The following POLR2B variants were observed in gnomAD, a reference collection of about 807,000 sequenced individuals.
The protein encoded by POLR2B is RNA polymerase II subunit B.
A neutral mutation model predicts 144.6 loss-of-function variants in POLR2B; 57 were observed. The observed-to-expected ratio is 0.39, with a 90% CI of 0.32 to 0.49. POLR2B has a LOEUF of 0.49. POLR2B is among the 20% of genes least tolerant of loss of function. The pLI is 0.83. For synonymous variants in POLR2B, 442 were observed against 469.8 expected (o/e 0.94, Z 0.77); for missense variants, 595 against 1,467.4 (o/e 0.41, Z 9.71).
At chr4:57,020,471 T>C (rs1424742668) in intron 16 of POLR2B, among the ~76,000 whole-genome samples, 1 of 152,194 alleles carries the variant, frequency 6.6e-6, no homozygotes, top group Non-Finnish European at 1.5e-5. Context: ...GTTTCAAACC[T>C]AAAAGCTGGG....
At chr4:57,016,298 G>T (rs1014208964) in intron 14 of POLR2B, among the ~76,000 whole-genome samples, 1 of 151,892 alleles carries the variant, frequency 6.6e-6, no homozygotes, top group Non-Finnish European at 1.5e-5. Context: ...TGTAATCTCA[G>T]CACTTTGGGA....
At position 57,028,561 on chromosome 4, in the gene POLR2B, C is replaced by T. The variant is rs368104365; in HGVS notation, c.3240-1643C>T. ...TTTTTAAGTAAAACTGGCTTTTCTC[C>T]CCTTCACTTGAATGGAGAATATGAC... On this transcript the variant is annotated intron_variant, in intron 23 of 24. Coordinates refer to ENST00000314595, the MANE Select transcript of POLR2B (RefSeq NM_000938.3). 2.0e-5 allele frequency among the ~76,000 whole-genome samples: 3 copies of T among 152,240 alleles called. No homozygotes were observed. In the East Asian group the frequency reaches 5.8e-4, roughly 29 times the overall value.
intron 2 of POLR2B, 123 bp from the exon 3 acceptor site, chr4:56,990,625 A>G (rs1722484627): frequency 1.5e-5 from 12 of 793,008 alleles, no homozygotes; most frequent in Middle Eastern, 3.5e-4. Flanking sequence ...AGTGGTTGAC[A>G]TATAATGGTT....
chr4:57,015,592 CAA>C lies in POLR2B; in HGVS notation c.1894_1895del (p.Lys632AlafsTer9). The C allele has an allele frequency of 6.6e-7, 1 of 1,517,980 alleles. No individual in the cohort carries two copies. Among genetic ancestry groups the C allele is most frequent in the Non-Finnish European group, 8.9e-7 (1 of 1,121,584 alleles). The allele number at this position is 1,517,980 out of a possible 1,614,324, so 94.0% of individuals were successfully genotyped here. On this transcript the variant is annotated frameshift_variant, in exon 14 of 25. Transcript: ENST00000314595. LOFTEE classifies it high-confidence loss of function. ...ICRPLLIVEKQKLLLKKRHID... is the reference protein window; with the variant it reads ...ICRPLLIVEKXKLLLKKRHID... ...TAGACCACTTCTGATTGTGGAAAAA[CAA>C]AAGCTACTTTTGAAGAAGAGGCATA...
intron 3 of POLR2B, among the ~76,000 whole-genome samples, chr4:56,993,192 A>G (rs891282463): frequency 1.3e-5 from 2 of 151,970 alleles, no homozygotes; most frequent in African/African-American, 4.8e-5. Context: ...AGTCCCAGCT[A>G]CTTGGGAGGC....
chr4:57,030,444 C>A, intron 24 of POLR2B, 45 bp downstream of exon 24: 2 of 1,401,420 alleles, frequency 1.4e-6, no homozygotes, highest in South Asian at 1.3e-5. Context: ...TTAGAGGAAA[C>A]TGTGTTGGTC....
At chr4:56,996,563 C>T (rs1169140214) in intron 6 of POLR2B, among the ~76,000 whole-genome samples, 1 of 151,696 alleles carries the variant, frequency 6.6e-6, no homozygotes, top group Non-Finnish European at 1.5e-5. Context: ...GGATTACAGG[C>T]GTGAGCCACT....
intron 16 of POLR2B, among the ~76,000 whole-genome samples, chr4:57,019,182 T>C (rs939651133): frequency 1.3e-5 from 2 of 152,206 alleles, no homozygotes; most frequent in African/African-American, 4.8e-5. Flanking sequence ...TGGGCTGTGC[T>C]TGCAGTGCTG....
At chr4:57,008,259 C>A (rs2109687196) in intron 10 of POLR2B, among the ~76,000 whole-genome samples, 1 of 145,510 alleles carries the variant, frequency 6.9e-6, no homozygotes, top group East Asian at 2.0e-4. Flanking sequence ...GGCTGGAGTA[C>A]AGTGGCAATC....
rs1031685509 is a variant in POLR2B, at chr4:56,994,945, A to G, written c.576+79A>G. 1.8e-4 allele frequency: 157 copies of G among 861,700 alleles called. No homozygotes were observed. In the African/African-American group the frequency reaches 2.0e-3, roughly 11 times the overall value. The allele number at this position is 861,700 out of a possible 1,614,324, so 53.4% of individuals were successfully genotyped here. A position where few individuals can be genotyped will look rare whatever the true frequency, so the allele number is the denominator to read the frequency against. On this transcript the variant is annotated intron_variant, in intron 5 of 24. Coordinates refer to ENST00000314595, the MANE Select transcript of POLR2B (RefSeq NM_000938.3). ...AAGTTGAAATGAAAAAAAAAAAAAA[A>G]AGAAAGAAAGATTTTCCTGCAGGAT...
At chr4:57,015,186 G>T (rs1392869388) in intron 13 of POLR2B, among the ~76,000 whole-genome samples, 1 of 152,134 alleles carries the variant, frequency 6.6e-6, no homozygotes, top group Non-Finnish European at 1.5e-5. Context: ...CATCAGCAAA[G>T]AACCAAAATA....
chr4:57,004,336 T>A (rs1307248667), intron 7 of POLR2B, among the ~76,000 whole-genome samples: 2 of 141,564 alleles, frequency 1.4e-5, no homozygotes, highest in African/African-American at 5.3e-5. Flanking sequence ...GGCATGAGCC[T>A]CCATTCCCAG....
In POLR2B at chr4:57,024,918, C is replaced by A; in HGVS notation, c.2997C>A (p.Ala999=). 6.3e-7 allele frequency: 1 copy of A among 1,594,086 alleles called. No individual in the cohort carries two copies. The highest frequency in any genetic ancestry group is 1.1e-5 in the South Asian group (1 of 88,888). The change falls in exon 22 of 25, where the codon GCC becomes GCA. Residue 999 remains alanine (A), a synonymous_variant. Transcript: ENST00000314595. ...CTAACAAGGGTGAAATTGGTGATGC[C>A]ACTCCATTTAATGATGCTGTTAACG... ...VSANKGEIGD[A]TPFNDAVNVQ... is the part of the protein sequence containing the mutation.
In POLR2B at chr4:57,015,665, A is replaced by G. The variant is rs753796064; in HGVS notation, c.1955+9A>G. ...GAATATAACAACTATAGGTAAAAACATGCAGTGAGAAAAATGTGTGTATTA... is the reference window on the plus strand; with the variant it reads ...GAATATAACAACTATAGGTAAAAACGTGCAGTGAGAAAAATGTGTGTATTA... On this transcript the variant is annotated intron_variant, in intron 14 of 24. Transcript: ENST00000314595. 4 of 1,322,526 alleles carry G rather than the reference A, an allele frequency of 3.0e-6. No homozygotes were observed. Among genetic ancestry groups the G allele is most frequent in the Admixed American group, 2.3e-5 (1 of 42,570 alleles). The allele number at this position is 1,322,526 out of a possible 1,614,324, so 81.9% of individuals were successfully genotyped here.
rs1424824890 is a variant in POLR2B at position 57,024,255 on chromosome 4, A to T, written c.2964+143A>T. On this transcript the variant is annotated intron_variant, in intron 21 of 24. Transcript: ENST00000314595. Reference sequence around the variant, plus strand: ...CTTTTCTGCTTTCAAATTGCTTATGATTCTGCCATTTTTTTTGGCAATTTG... The same window carrying T: ...CTTTTCTGCTTTCAAATTGCTTATGTTTCTGCCATTTTTTTTGGCAATTTG... 5.8e-6 allele frequency: 3 copies of T among 515,854 alleles called. No homozygotes were observed. In the East Asian group the frequency reaches 1.0e-4, roughly 18 times the overall value. The allele number at this position is 515,854 out of a possible 1,614,324, so 32.0% of individuals were successfully genotyped here. A position where few individuals can be genotyped will look rare whatever the true frequency, so the allele number is the denominator to read the frequency against.
At chr4:57,011,176 G>T in intron 13 of POLR2B, 76 bp downstream of exon 13, 1 of 880,216 alleles carries the variant, frequency 1.1e-6, no homozygotes, top group South Asian at 1.4e-5. Flanking sequence ...AGTTATCTTT[G>T]CATTGGCATC....
chr4:57,012,272 G>A (rs1274591475), intron 13 of POLR2B, among the ~76,000 whole-genome samples: 7 of 152,112 alleles, frequency 4.6e-5, no homozygotes, highest in Non-Finnish European at 8.8e-5. Context: ...GGGCATGGTA[G>A]CATGTGCCTG....
chr4:56,999,549 C>A, intron 6 of POLR2B, 68 bp from the exon 7 acceptor site: 1 of 991,768 alleles, frequency 1.0e-6, no homozygotes, highest in South Asian at 1.6e-5. Context: ...TTAAATAGTT[C>A]TCTTGGTGTT....
chr4:57,010,617 G>T (rs978496492), intron 11 of POLR2B, 113 bp downstream of exon 11: 2 of 1,355,342 alleles, frequency 1.5e-6, no homozygotes, highest in South Asian at 1.4e-5. Flanking sequence ...TTAGAAATAA[G>T]TTTTTTTTAT....
Sources: allele counts gnomAD v4.1 joint callset (sites outside exome capture counted in the v4.1 genomes callset), GRCh38; gene constraint gnomAD v4.1.1; transcripts MANE v1.5; gene names NCBI Gene and HGNC (gene_info 2026-07-23, HGNC 2026-07-21).